The following SGCD variants were observed in gnomAD, a reference collection of about 807,000 sequenced individuals.
SGCD encodes the protein delta-sarcoglycan.
Under a neutral mutation model 36.6 loss-of-function variants are expected in SGCD, and 18 were observed. The ratio of observed to expected loss-of-function variants is 0.49; its 90% CI spans 0.34 to 0.73. SGCD has a LOEUF of 0.73. SGCD is among the 30% of genes least tolerant of loss of function. The probability of loss-of-function intolerance (pLI) is 0.01; values close to 1 mark genes in which losing one functional copy is unlikely to be tolerated. For missense variants in SGCD, 387 were observed against 346.7 expected, an observed-to-expected ratio of 1.12 and a Z score of -0.92; for synonymous variants, 133 against 130.6, an observed-to-expected ratio of 1.02 and a Z score of -0.12.
At chr5:156,688,172 T>A (rs533687397) in intron 7 of SGCD, among the ~76,000 whole-genome samples, 50 of 152,268 alleles carry the variant, frequency 3.3e-4, no homozygotes, top group African/African-American at 1.1e-3. Context: ...GTAATAAGCC[T>A]AATATCCTTT....
intron 7 of SGCD, among the ~76,000 whole-genome samples, chr5:156,675,973 T>G (rs914829932): frequency 6.6e-6 from 1 of 152,190 alleles, no homozygotes; most frequent in Non-Finnish European, 1.5e-5. Context: ...TCTGGCTACG[T>G]TTTATTCCTG....
At chr5:156,027,544 T>C (rs1458507818) in intron 1 of SGCD, among the ~76,000 whole-genome samples, 1 of 152,198 alleles carries the variant, frequency 6.6e-6, no homozygotes, top group East Asian at 1.9e-4. Context: ...CTAGTCTTTT[T>C]TCCTTAGATG....
In SGCD at chr5:156,010,198, T is replaced by G. The variant is rs190074061; in HGVS notation, c.-281-107680T>G. On this transcript the variant is annotated intron_variant, in intron 1 of 9. Coordinates refer to the SGCD transcript ENST00000517913. ...TGAAAAAGTGGTACTTATCATAACTTTCGGCCTATTATAGAGATTCTATAC... is the reference window on the plus strand; with the variant it reads ...TGAAAAAGTGGTACTTATCATAACTGTCGGCCTATTATAGAGATTCTATAC... 4.8e-3 allele frequency among the ~76,000 whole-genome samples: 734 copies of G among 152,342 alleles called. 4 individuals carry two copies. Among genetic ancestry groups the G allele is most frequent in the Non-Finnish European group, 7.9e-3 (536 of 68,028 alleles).
intron 1 of SGCD, among the ~76,000 whole-genome samples, chr5:156,048,741 T>C (rs1759839551): frequency 6.6e-6 from 1 of 152,124 alleles, no homozygotes; most frequent in Non-Finnish European, 1.5e-5. Context: ...ATCAGATGAG[T>C]AGATTGCAAA....
At position 155,960,102 on chromosome 5, in the gene SGCD, T is replaced by C. The variant is rs528748509; in HGVS notation, c.-282+89678T>C. Among the ~76,000 whole-genome samples, 112 of 152,212 alleles carry C rather than the reference T, an allele frequency of 7.4e-4. 2 individuals are homozygous for C. The South Asian group carries it at 0.022, about 30-fold the overall frequency. ...TTGCCAGGGCATGATACAAAAGACATGACTTTGTCTTCTCCTCCCTCCTTT... is the reference window on the plus strand; with the variant it reads ...TTGCCAGGGCATGATACAAAAGACACGACTTTGTCTTCTCCTCCCTCCTTT... On this transcript the variant is annotated intron_variant, in intron 1 of 9. Coordinates refer to the SGCD transcript ENST00000517913.
the SGCD span, among the ~76,000 whole-genome samples, chr5:155,852,058 C>T: frequency 2.0e-5 from 3 of 152,162 alleles, no homozygotes; most frequent in South Asian, 6.2e-4. Flanking sequence ...TGAAGGAACC[C>T]CTGTCGTGGA....
intron 3 of SGCD, among the ~76,000 whole-genome samples, chr5:156,412,580 G>A (rs895134642): frequency 6.6e-6 from 1 of 152,242 alleles, no homozygotes; most frequent in Admixed American, 6.5e-5. Context: ...AGTTACTTTT[G>A]TCCATAGTCT....
At chr5:156,317,921 C>T (rs1767561027) in intron 3 of SGCD, among the ~76,000 whole-genome samples, 1 of 152,246 alleles carries the variant, frequency 6.6e-6, no homozygotes, top group African/African-American at 2.4e-5. Flanking sequence ...AGAATTGACC[C>T]ATTTATCTAA....
chr5:156,479,389 C>T (rs915252470), intron 3 of SGCD, among the ~76,000 whole-genome samples: 1 of 152,136 alleles, frequency 6.6e-6, no homozygotes, highest in Non-Finnish European at 1.5e-5. Context: ...AGCCACCACA[C>T]CTGGCCAGAT....
intron 6 of SGCD, among the ~76,000 whole-genome samples, chr5:156,622,468 T>TAAG (rs1762289492): frequency 6.9e-6 from 1 of 145,536 alleles, no homozygotes; most frequent in Non-Finnish European, 1.5e-5. Flanking sequence ...ATAATAATAA[T>TAAG]AATAATAATA....
chr5:156,355,209 C>A (rs2127725632), intron 3 of SGCD, among the ~76,000 whole-genome samples: 1 of 152,240 alleles, frequency 6.6e-6, no homozygotes, highest in Non-Finnish European at 1.5e-5. Flanking sequence ...GCCTGTGAAC[C>A]AAAAAGTTCT....
At chr5:155,988,008 T>C (rs1758363555) in intron 1 of SGCD, among the ~76,000 whole-genome samples, 1 of 152,204 alleles carries the variant, frequency 6.6e-6, no homozygotes, top group Non-Finnish European at 1.5e-5. Context: ...GTGGTAGATA[T>C]TACTATTCCA....
chr5:156,442,981 G>A (rs1753562548), intron 3 of SGCD, among the ~76,000 whole-genome samples: 1 of 152,064 alleles, frequency 6.6e-6, no homozygotes, highest in Non-Finnish European at 1.5e-5. Context: ...ATTAATGCAT[G>A]TAGCCTTTTC....
intron 3 of SGCD, among the ~76,000 whole-genome samples, chr5:156,349,350 A>T (rs1282149067): frequency 2.6e-5 from 4 of 152,116 alleles, no homozygotes; most frequent in African/African-American, 9.7e-5. Flanking sequence ...GCAATTATGC[A>T]TCTGACAAAA....
rs536838830 is a variant in SGCD at position 156,452,541 on chromosome 5, C to A, written c.193-56060C>A. On this transcript the variant is annotated intron_variant, in intron 3 of 8. Transcript: ENST00000337851. ...CAAATTGTGCAGAAACAAAATATTT[C>A]TTCTTAGGTAACCCTCATAACAGCT... Among the ~76,000 whole-genome samples the A allele has an allele frequency of 4.7e-4, 72 of 152,246 alleles. No homozygotes were observed. The Middle Eastern group carries it at 0.01, about 22-fold the overall frequency.
chr5:156,583,840 T>C (rs1362583378), intron 4 of SGCD, among the ~76,000 whole-genome samples: 1 of 152,130 alleles, frequency 6.6e-6, no homozygotes, highest in East Asian at 1.9e-4. Context: ...TACCACATAA[T>C]AGTGGGAAAA....
intron 4 of SGCD, among the ~76,000 whole-genome samples, chr5:156,572,368 G>T (rs1333070482): frequency 2.0e-5 from 3 of 152,168 alleles, no homozygotes; most frequent in Non-Finnish European, 4.4e-5. Flanking sequence ...CCCACCAGCA[G>T]TGTATGAGGG....
chr5:155,763,375 A>G, the SGCD span, among the ~76,000 whole-genome samples: 1 of 152,168 alleles, frequency 6.6e-6, no homozygotes, highest in Non-Finnish European at 1.5e-5. Context: ...CTAAAATAAT[A>G]TTATAACAGT....
chr5:155,759,963 A>C, the SGCD span, among the ~76,000 whole-genome samples: 1 of 152,212 alleles, frequency 6.6e-6, no homozygotes, highest in African/African-American at 2.4e-5. Flanking sequence ...TCATCCGGTT[A>C]GCTTATGTCA....
Sources: gnomAD v4.1 joint callset for allele counts (sites outside exome capture counted in the v4.1 genomes callset) on GRCh38, gnomAD v4.1.1 for gene constraint, MANE v1.5 for transcripts, NCBI Gene and HGNC (gene_info 2026-07-23, HGNC 2026-07-21) for gene names.